The following CACNA1I variants were observed in gnomAD, a reference collection of about 807,000 sequenced individuals.
CACNA1I encodes voltage-dependent T-type calcium channel subunit alpha-1I.
A neutral mutation model predicts 201.6 loss-of-function variants in CACNA1I; 74 were observed. That is an observed-to-expected ratio of 0.37 (90% CI 0.30 to 0.45). CACNA1I has a LOEUF of 0.45. Ranked by LOEUF, CACNA1I falls within the 20% of genes least tolerant of loss-of-function variation. The pLI, the probability that CACNA1I is intolerant of heterozygous loss-of-function variation, is 1.00. For synonymous variants in CACNA1I, 1,431 were observed against 1,345.2 expected (o/e 1.06, Z -1.40); for missense variants, 2,346 against 3,138.1 (o/e 0.75, Z 6.03).
chr22:39,662,000 C>T lies in CACNA1I; in HGVS notation c.2937C>T (p.Gly979=). ...GGAGCTCCTACTACGGGCCATGGGG[C>T]CGCAGCGCGGCCTGGGCCAGCCGTC... The part of the protein sequence containing the change: ...SSRSSYYGPW[G]RSAAWASRRS... Residue 979 remains glycine, a synonymous_variant, in exon 17 of 37, where the codon GGC becomes GGT. Transcript: ENST00000402142. The T allele has an allele frequency of 6.4e-7, 1 of 1,564,070 alleles. No individual in the cohort carries two copies. The highest frequency in any genetic ancestry group is 1.2e-5 in the South Asian group (1 of 85,504).
At chr22:39,657,969 G>A (rs544507846) in intron 10 of CACNA1I, among the ~76,000 whole-genome samples, 183 bp from the exon 11 acceptor site, 7 of 152,322 alleles carry the variant, frequency 4.6e-5, no homozygotes, top group East Asian at 1.9e-4. Flanking sequence ...GACCTCTCAC[G>A]ACCCCAAGGT....
Position 39,688,669 on chromosome 22 carries a change from C to T in CACNA1I, c.*2264C>T, listed in dbSNP as rs75082737. 0.018 allele frequency: 2,692 copies of T among 152,340 alleles called. 37 individuals carry two copies. Among genetic ancestry groups the T allele is most frequent in the Middle Eastern group, 0.057 (17 of 296 alleles). The allele number at this position is 152,340 out of a possible 1,614,324, so 9.4% of individuals were successfully genotyped here. On this transcript the variant is annotated 3_prime_UTR_variant, in exon 37 of 37. Transcript: ENST00000402142. The surrounding 1 kb of genome is among the most constrained non-coding windows in gnomAD (Gnocchi z 4.8). The stretch of plus-strand genomic sequence containing the variant: ...TCCACTGAGCAGCCTTTCCTGTTGT[C>T]ACATGGGTTCAGAGCAGCTGAGCAG...
intron 3 of CACNA1I, among the ~76,000 whole-genome samples, chr22:39,607,924 C>T (rs1023458093): frequency 8.7e-5 from 13 of 148,888 alleles, no homozygotes; most frequent in East Asian, 5.8e-4. Flanking sequence ...GTCAGGAGTT[C>T]GAGACCAACA....
intron 1 of CACNA1I, among the ~76,000 whole-genome samples, chr22:39,582,982 A>T (rs1357664673): frequency 1.3e-5 from 2 of 150,062 alleles, no homozygotes; most frequent in Non-Finnish European, 3.0e-5. Context: ...CCATCCCTCC[A>T]TCCATCCACC....
intron 33 of CACNA1I, 53 bp from the exon 34 acceptor site, chr22:39,680,875 CCA>C (rs1292952399): frequency 6.4e-7 from 1 of 1,569,108 alleles, no homozygotes; most frequent in Non-Finnish European, 8.6e-7. Flanking sequence ...GCCCCAGGAC[CCA>C]GGTCTGCCCA....
intron 1 of CACNA1I, among the ~76,000 whole-genome samples, chr22:39,597,170 A>G (rs890121079): frequency 2.6e-5 from 4 of 152,174 alleles, no homozygotes; most frequent in Non-Finnish European, 5.9e-5. Context: ...GACTCAGTCA[A>G]CTGGAGATCC....
At chr22:39,571,270 C>A in intron 1 of CACNA1I, 2 of 514,276 alleles carry the variant, frequency 3.9e-6, no homozygotes, top group Non-Finnish European at 7.1e-6. Flanking sequence ...AGTGTGGGCC[C>A]CAGACCTGTG....
rs1472034586 is a variant in CACNA1I at position 39,616,226 on chromosome 22, G to C, written c.483-3084G>C. Among the ~76,000 whole-genome samples, 3 of 152,298 alleles carry C rather than the reference G, an allele frequency of 2.0e-5. No individual in the cohort carries two copies. The East Asian group carries it at 5.8e-4, about 29-fold the overall frequency. On this transcript the variant is annotated intron_variant, in intron 3 of 36. Transcript: ENST00000402142. ...GCACTGCCAGGCAGCGGCTGTTTCT[G>C]TTCCCCTCCAAGATGGGGGCGGATG...
chr22:39,661,971 T>C lies in CACNA1I; in HGVS notation c.2908T>C (p.Ser970Pro). ...MSYDQRSLSS[S>P]RSSYYGPWGR... ...GAACGGGAACTCCTTCCAGTCCAGC[T>C]CCCGGAGCTCCTACTACGGGCCATG... The change falls in exon 17 of 37, where the codon TCC becomes CCC. Residue 970 changes from serine (S) to proline (P), a missense_variant. Ser to Pro is a moderately conservative substitution (Grantham distance 74). Coordinates refer to ENST00000402142, the MANE Select transcript of CACNA1I (RefSeq NM_021096.4). 2 of 1,530,682 alleles carry C rather than the reference T, an allele frequency of 1.3e-6. No individual in the cohort carries two copies. The highest frequency in any genetic ancestry group is 1.2e-5 in the South Asian group (1 of 81,430). 94.8% of individuals were successfully genotyped at this position (1,530,682 alleles called of 1,614,324 possible).
At chr22:39,582,737 C>T (rs1226916968) in intron 1 of CACNA1I, among the ~76,000 whole-genome samples, 2 of 140,748 alleles carry the variant, frequency 1.4e-5, no homozygotes, top group Non-Finnish European at 3.1e-5. Flanking sequence ...CCCATCTTCC[C>T]CCATACACCC....
intron 1 of CACNA1I, among the ~76,000 whole-genome samples, chr22:39,578,820 T>G (rs1048014516): frequency 3.9e-5 from 6 of 152,202 alleles, no homozygotes; most frequent in African/African-American, 9.7e-5. Context: ...GTTCTTTCCC[T>G]TGGGGTCCAG....
intron 29 of CACNA1I, among the ~76,000 whole-genome samples, chr22:39,674,878 C>A (rs186514677): frequency 6.6e-6 from 1 of 152,182 alleles, no homozygotes; most frequent in Non-Finnish European, 1.5e-5. Context: ...CTAATTCTTT[C>A]GGGGACCGGG....
At chr22:39,615,692 A>G (rs738168) in intron 3 of CACNA1I, among the ~76,000 whole-genome samples, 1 of 152,118 alleles carries the variant, frequency 6.6e-6, no homozygotes, top group Non-Finnish European at 1.5e-5. Flanking sequence ...TGAGAACTAC[A>G]CGATTCTTCA....
intron 34 of CACNA1I, among the ~76,000 whole-genome samples, chr22:39,681,380 G>A (rs1935701337): frequency 6.6e-6 from 1 of 152,208 alleles, no homozygotes; most frequent in Admixed American, 6.5e-5. Flanking sequence ...GCGAACGGGG[G>A]AGTCATGTCA....
At chr22:39,639,672 A>C (rs1007370993) in intron 5 of CACNA1I, among the ~76,000 whole-genome samples, 5 of 152,216 alleles carry the variant, frequency 3.3e-5, no homozygotes, top group Admixed American at 2.0e-4. Flanking sequence ...GTTGGGATCC[A>C]ACTATTATTT....
At chr22:39,571,148 C>A in intron 1 of CACNA1I, 160 bp downstream of exon 1, 1 of 642,074 alleles carries the variant, frequency 1.6e-6, no homozygotes, top group Non-Finnish European at 2.8e-6. Context: ...GAGGGTGGGT[C>A]TGGGGAGACC....
At chr22:39,588,898 T>C (rs903979753) in intron 1 of CACNA1I, among the ~76,000 whole-genome samples, 8 of 152,262 alleles carry the variant, frequency 5.3e-5, no homozygotes, top group Non-Finnish European at 1.2e-4. Context: ...GTCTGGCTTC[T>C]GTTTCCCAGC....
chr22:39,574,933 T>A (rs1462524134), intron 1 of CACNA1I, among the ~76,000 whole-genome samples: 3 of 152,242 alleles, frequency 2.0e-5, no homozygotes, highest in Admixed American at 6.5e-5. Context: ...TGAAGCCTGG[T>A]GCTCCCTGAC....
Position 39,685,623 on chromosome 22 carries a change from G to A in CACNA1I, c.6028-138G>A, listed in dbSNP as rs890779653. 10 of 695,108 alleles carry A rather than the reference G, an allele frequency of 1.4e-5. No homozygotes were observed. The highest frequency in any genetic ancestry group is 1.2e-4 in the African/African-American group (6 of 52,122). 43.1% of individuals were successfully genotyped at this position (695,108 alleles called of 1,614,324 possible). A position where few individuals can be genotyped will look rare whatever the true frequency, so the allele number is the denominator to read the frequency against. Reference sequence around the variant, plus strand: ...GTGACGCCGCCTAAGCTGGACGTGCGGAGGGGAGAAGCCCTGCTCCGAAGG... The same window carrying A: ...GTGACGCCGCCTAAGCTGGACGTGCAGAGGGGAGAAGCCCTGCTCCGAAGG... On this transcript the variant is annotated intron_variant, in intron 36 of 36. Transcript: ENST00000402142. This position sits in a 1 kb window ranked among gnomAD's most constrained non-coding sequence, Gnocchi z 5.0.
Sources: gnomAD v4.1 joint callset for allele counts (sites outside exome capture counted in the v4.1 genomes callset) on GRCh38, gnomAD v4.1.1 for gene constraint, Gnocchi (gnomAD v3.1) non-coding constraint, MANE v1.5 for transcripts, NCBI Gene and HGNC (gene_info 2026-07-23, HGNC 2026-07-21) for gene names.